GLOD4: variants seen among roughly 807,000 people sequenced by gnomAD.
GLOD4 encodes the protein glyoxalase domain containing 4.
GLOD4 carries 44 observed loss-of-function variants against 39.1 expected under a neutral mutation model. The ratio of observed to expected loss-of-function variants is 1.13; its 90% CI spans 0.88 to 1.45. The LOEUF (loss-of-function observed/expected upper bound fraction) is 1.45. GLOD4 is among the 40% of genes most tolerant of loss of function. The pLI, the probability that GLOD4 is intolerant of heterozygous loss-of-function variation, is 0.00. For synonymous variants in GLOD4, 145 were observed against 135.0 expected, an observed-to-expected ratio of 1.07 and a Z score of -0.52; for missense variants, 405 against 366.4, an observed-to-expected ratio of 1.11 and a Z score of -0.86.
At chr17:769,846 A>C in intron 8 of GLOD4, 23 bp downstream of exon 8, 1 of 1,354,280 alleles carries the variant, frequency 7.4e-7, no homozygotes, top group Non-Finnish European at 1.1e-6. Flanking sequence ...CCATGGTGAC[A>C]TAAATGTAGA....
upstream of GLOD4, chr17:783,400 GATCTCGGCCCACTGCA>G: frequency 7.0e-7 from 1 of 1,438,244 alleles, no homozygotes; most frequent in Non-Finnish European, 9.3e-7. Flanking sequence ...GCAATGGCGC[GATCTCGGCCCACTGCA>G]ACCTCCGCCT....
chr17:770,609 A>C (rs1907785937), intron 5 of GLOD4, 102 bp from the exon 6 acceptor site: 2 of 713,648 alleles, frequency 2.8e-6, no homozygotes, highest in African/African-American at 3.5e-5. Flanking sequence ...ATAAAGTAAA[A>C]ACTGAGTCTC....
upstream of GLOD4, chr17:783,289 A>G (rs1028870603): frequency 1.9e-6 from 3 of 1,613,756 alleles, no homozygotes; most frequent in Non-Finnish European, 2.5e-6. Flanking sequence ...GAGGATATCA[A>G]GGATTGGTCC....
chr17:782,998 C>G (rs1259400350), upstream of GLOD4: 2 of 1,510,674 alleles, frequency 1.3e-6, no homozygotes, highest in South Asian at 1.3e-5. Flanking sequence ...CTCTCCGTAG[C>G]TCTTTATTTC....
upstream of GLOD4, chr17:783,001 TTTATTTCTG>T: frequency 6.6e-7 from 1 of 1,521,740 alleles, no homozygotes; most frequent in East Asian, 2.3e-5. Flanking sequence ...TCCGTAGCTC[TTTATTTCTG>T]TTACAACTAA....
intron 1 of GLOD4, 153 bp from the exon 2 acceptor site, chr17:778,897 T>C (rs147418706): frequency 1.5e-4 from 91 of 596,686 alleles, no homozygotes; most frequent in African/African-American, 1.2e-3. Context: ...TCTCCCAGGA[T>C]AGAAGCAGTG....
chr17:761,171 G>A (rs114767716), intron 8 of GLOD4, among the ~76,000 whole-genome samples: 34 of 152,302 alleles, frequency 2.2e-4, no homozygotes, highest in African/African-American at 7.7e-4. Flanking sequence ...GTGTGTGTAC[G>A]CATGTGTGTG....
intron 1 of GLOD4, among the ~76,000 whole-genome samples, chr17:781,082 G>A (rs1909866979): frequency 6.6e-6 from 1 of 151,838 alleles, no homozygotes; most frequent in Non-Finnish European, 1.5e-5. Context: ...CACCATGCCC[G>A]GCTAATTTTT....
At chr17:778,644 T>C (rs748414655) in intron 2 of GLOD4, 51 bp downstream of exon 2, 4 of 1,014,478 alleles carry the variant, frequency 3.9e-6, no homozygotes, top group Admixed American at 3.4e-5. Context: ...TCTTCTGTTA[T>C]CCGGGTGTAG....
intron 4 of GLOD4, among the ~76,000 whole-genome samples, chr17:772,039 A>G (rs1791317936): frequency 8.3e-6 from 1 of 121,126 alleles, no homozygotes; most frequent in Admixed American, 8.6e-5. Context: ...AAAAAAAAAG[A>G]TTAGACAGGC....
At chr17:782,290 A>C (rs746497434), upstream of GLOD4, 2 of 1,611,968 alleles carry the variant, frequency 1.2e-6, no homozygotes, top group Admixed American at 1.7e-5. Flanking sequence ...CGCGCACCGT[A>C]CAGCCCAGTC....
chr17:768,967 T>C (rs990876660), intron 8 of GLOD4, among the ~76,000 whole-genome samples: 10 of 152,244 alleles, frequency 6.6e-5, no homozygotes, highest in Non-Finnish European at 1.3e-4. Flanking sequence ...CAGTGCGCAC[T>C]CAGATTTTTA....
chr17:761,355 A>G (rs117907437), intron 8 of GLOD4, among the ~76,000 whole-genome samples: 1 of 152,190 alleles, frequency 6.6e-6, no homozygotes, highest in Non-Finnish European at 1.5e-5. Flanking sequence ...TCTTAGTACT[A>G]TCTGATTTAT....
chr17:769,751 C>T lies in GLOD4; in HGVS notation c.831+118G>A, dbSNP rs377262154. 10 of 708,514 alleles carry T rather than the reference C, an allele frequency of 1.4e-5. No individual in the cohort carries two copies. The Admixed American group carries it at 1.7e-4, about 12-fold the overall frequency. The allele number at this position is 708,514 out of a possible 1,614,324, so 43.9% of individuals were successfully genotyped here. ...TCCTTGGCTGAGGTCAACCCAACAG[C>T]GAAAGGACGTGGTTCTGACATTAAG... On this transcript the variant is annotated intron_variant, in intron 8 of 8. Transcript: ENST00000301329.
chr17:759,945 A>G lies in GLOD4; in HGVS notation c.*228T>C. 1.8e-6 allele frequency: 1 copy of G among 552,902 alleles called. No homozygotes were observed. The highest frequency in any genetic ancestry group is 3.2e-6 in the Non-Finnish European group (1 of 311,168). 34.2% of individuals were successfully genotyped at this position (552,902 alleles called of 1,614,324 possible). On this transcript the variant is annotated 3_prime_UTR_variant, in exon 9 of 9. Transcript: ENST00000301329. ...AGTTATATACAGAATGCGCAGTCCC[A>G]GCAACAGTGTAGATTACAGCAGGCG...
At chr17:766,256 C>T (rs918412621) in intron 8 of GLOD4, among the ~76,000 whole-genome samples, 1 of 150,968 alleles carries the variant, frequency 6.6e-6, no homozygotes, top group Non-Finnish European at 1.5e-5. Context: ...TGAGATCATG[C>T]CACTGCACTC....
chr17:767,800 A>G (rs953789272), intron 8 of GLOD4, among the ~76,000 whole-genome samples: 6 of 144,594 alleles, frequency 4.1e-5, no homozygotes, highest in African/African-American at 1.6e-4. Context: ...AACAGCGCGC[A>G]CTCAGATTTT....
chr17:783,014 C>A (rs1910242556), upstream of GLOD4: 3 of 1,539,864 alleles, frequency 1.9e-6, no homozygotes, highest in South Asian at 1.2e-5. Flanking sequence ...ATTTCTGTTA[C>A]AACTAAGCGT....
chr17:771,062 T>G, intron 5 of GLOD4: 2 of 281,710 alleles, frequency 7.1e-6, no homozygotes, highest in Non-Finnish European at 1.3e-5. Context: ...GAAAAAGATC[T>G]TGCATTAAAT....
Sources: gnomAD v4.1 joint callset for allele counts (sites outside exome capture counted in the v4.1 genomes callset) on GRCh38, gnomAD v4.1.1 for gene constraint, MANE v1.5 for transcripts, NCBI Gene and HGNC (gene_info 2026-07-23, HGNC 2026-07-21) for gene names.